TSPAN18: variants seen among roughly 807,000 people sequenced by gnomAD.
The protein encoded by TSPAN18 is tetraspanin-18.
In TSPAN18, 14 loss-of-function variants were observed where a neutral mutation model predicts 27.3. The observed-to-expected ratio is 0.51, with a 90% confidence interval of 0.34 to 0.80. The LOEUF (loss-of-function observed/expected upper bound fraction) is 0.80, where lower values mean the gene tolerates loss of function less well. Ranked by LOEUF, TSPAN18 falls within the 30% of genes least tolerant of loss-of-function variation. The probability of loss-of-function intolerance (pLI) is 0.01; values close to 1 mark genes in which losing one functional copy is unlikely to be tolerated. For synonymous variants in TSPAN18, 143 were observed against 136.5 expected (o/e 1.05, Z -0.33); for missense variants, 268 against 323.9 (o/e 0.83, Z 1.32).
chr11:44,917,594 C>T (rs540764457), intron 5 of TSPAN18: 12 of 166,890 alleles, frequency 7.2e-5, no homozygotes, highest in East Asian at 6.8e-4. Context: ...TCAGGATTCT[C>T]GCAGCCCGTA....
chr11:44,860,166 G>T (rs967665968), intron 2 of TSPAN18, among the ~76,000 whole-genome samples, 162 bp from the exon 3 acceptor site: 1 of 152,120 alleles, frequency 6.6e-6, no homozygotes, highest in Non-Finnish European at 1.5e-5. Context: ...TATTTCAGTC[G>T]GATCTAGATG....
At chr11:44,919,440 C>T (rs1416101342) in intron 7 of TSPAN18, 128 bp downstream of exon 7, 2 of 820,310 alleles carry the variant, frequency 2.4e-6, no homozygotes, top group South Asian at 1.5e-5. Flanking sequence ...CTTGGAATCA[C>T]CATCCACGCA....
chr11:44,770,964 T>C (rs1177605193), intron 2 of TSPAN18, among the ~76,000 whole-genome samples: 1 of 151,988 alleles, frequency 6.6e-6, no homozygotes, highest in African/African-American at 2.4e-5. Context: ...GCATTTTAAG[T>C]TGAGATGCTT....
At chr11:44,890,584 G>A (rs61124747) in intron 3 of TSPAN18, among the ~76,000 whole-genome samples, 8,166 of 151,926 alleles carry the variant, frequency 0.054, 354 homozygotes, top group African/African-American at 0.11. Context: ...TTAGCTGGGC[G>A]TGGTGGCGGG....
chr11:44,839,839 G>A (rs970514008), intron 2 of TSPAN18, among the ~76,000 whole-genome samples: 1 of 152,126 alleles, frequency 6.6e-6, no homozygotes, highest in African/African-American at 2.4e-5. Context: ...AGAGGTGAGC[G>A]TGACTTGTTG....
intron 2 of TSPAN18, among the ~76,000 whole-genome samples, chr11:44,840,435 A>C (rs1396994423): frequency 2.0e-5 from 3 of 152,220 alleles, no homozygotes; most frequent in Non-Finnish European, 4.4e-5. Context: ...ATCTTGCTTA[A>C]TACTCCTAAT....
intron 2 of TSPAN18, among the ~76,000 whole-genome samples, chr11:44,808,410 C>G (rs935314920): frequency 1.3e-5 from 2 of 152,186 alleles, no homozygotes; most frequent in Admixed American, 1.3e-4. Flanking sequence ...AATCCTATGC[C>G]TGTGTAAAGA....
At chr11:44,837,742 C>T (rs1027268566) in intron 2 of TSPAN18, among the ~76,000 whole-genome samples, 74 of 152,344 alleles carry the variant, frequency 4.9e-4, no homozygotes, top group African/African-American at 1.7e-3. Flanking sequence ...AACATGGAGG[C>T]AAGACCATCC....
intron 3 of TSPAN18, among the ~76,000 whole-genome samples, chr11:44,868,771 C>T (rs1281190682): frequency 1.3e-5 from 2 of 152,172 alleles, no homozygotes; most frequent in East Asian, 3.9e-4. Flanking sequence ...GAAGGTGGAG[C>T]GCCCACACCA....
chr11:44,832,214 T>C (rs1857169657), intron 2 of TSPAN18, among the ~76,000 whole-genome samples: 1 of 152,150 alleles, frequency 6.6e-6, no homozygotes, highest in South Asian at 2.1e-4. Flanking sequence ...GTGGGCAGTG[T>C]GTGGGATGTG....
Position 44,922,117 on chromosome 11 carries a change from A to ATTTTT in TSPAN18, c.615+2131_615+2135dup, listed in dbSNP as rs10659284. ...CCCTCTTGCTTAAAGCCCAGGATGC[A>ATTTTT]TTTTTTTTTTTTTTTTTGAGACTGA... is the stretch of plus-strand genomic sequence containing the variant. On this transcript the variant is annotated intron_variant, in intron 8 of 9. Transcript: ENST00000520358. Among the ~76,000 whole-genome samples, 696 of 131,360 alleles carry ATTTTT rather than the reference A, an allele frequency of 5.3e-3. 17 individuals are homozygous for ATTTTT. Among genetic ancestry groups the ATTTTT allele is most frequent in the African/African-American group, 0.019 (652 of 34,942 alleles). 86.2% of individuals were successfully genotyped at this position (131,360 alleles called of 152,430 possible). A position where few individuals can be genotyped will look rare whatever the true frequency, so the allele number is the denominator to read the frequency against.
At chr11:44,901,044 T>C (rs2135311143) in intron 3 of TSPAN18, among the ~76,000 whole-genome samples, 2 of 152,310 alleles carry the variant, frequency 1.3e-5, no homozygotes, top group South Asian at 4.1e-4. Context: ...AATTCAGTTG[T>C]ATGCAGTTTA....
intron 8 of TSPAN18, among the ~76,000 whole-genome samples, chr11:44,924,479 C>T (rs905948460): frequency 2.6e-5 from 4 of 152,162 alleles, no homozygotes; most frequent in East Asian, 1.9e-4. Context: ...ATACCACTCT[C>T]CTGGGCCATT....
Position 44,737,427 on chromosome 11 carries a change from C to A in TSPAN18, c.-240+10140C>A, listed in dbSNP as rs922571555. Among the ~76,000 whole-genome samples the A allele has an allele frequency of 2.0e-5, 3 of 152,156 alleles. No homozygotes were observed. The East Asian group carries it at 5.8e-4, about 29-fold the overall frequency. ...AGCCACCAGAGGCACTCCCTGACGT[C>A]TCCAGCACACCAGAGAGGCCCACCC... On this transcript the variant is annotated intron_variant, in intron 1 of 9. Transcript: ENST00000520358.
intron 2 of TSPAN18, among the ~76,000 whole-genome samples, chr11:44,766,909 T>C (rs1855580001): frequency 6.6e-6 from 1 of 152,188 alleles, no homozygotes; most frequent in Admixed American, 6.5e-5. Context: ...ATCTGTAAGA[T>C]GGGCAAAGAG....
intron 3 of TSPAN18, among the ~76,000 whole-genome samples, chr11:44,862,822 T>A (rs115974259): frequency 6.6e-6 from 1 of 152,198 alleles, no homozygotes; most frequent in Non-Finnish European, 1.5e-5. Flanking sequence ...GCAGCAGAAA[T>A]AGCAGAATGA....
At chr11:44,730,133 A>C (rs1360282097) in intron 1 of TSPAN18, among the ~76,000 whole-genome samples, 1 of 152,126 alleles carries the variant, frequency 6.6e-6, no homozygotes, top group Non-Finnish European at 1.5e-5. Flanking sequence ...CCGCCTGTAC[A>C]CAGCAAAATC....
chr11:44,876,575 G>C (rs835835), intron 3 of TSPAN18, among the ~76,000 whole-genome samples: 20,013 of 152,222 alleles, frequency 0.13, 1,493 homozygotes, highest in Non-Finnish European at 0.17. Context: ...GCTGACCAAG[G>C]AAGAAAAGGT....
intron 2 of TSPAN18, among the ~76,000 whole-genome samples, chr11:44,858,222 C>A (rs945450488): frequency 6.6e-6 from 1 of 152,200 alleles, no homozygotes; most frequent in Non-Finnish European, 1.5e-5. Flanking sequence ...GCCTGCCCCC[C>A]ACTCCCACAT....
Sources: allele counts gnomAD v4.1 joint callset (sites outside exome capture counted in the v4.1 genomes callset), GRCh38; gene constraint gnomAD v4.1.1; transcripts MANE v1.5; gene names NCBI Gene and HGNC (gene_info 2026-07-23, HGNC 2026-07-21).